The following EEF1AKMT3 variants were observed in gnomAD, a reference collection of about 807,000 sequenced individuals.
EEF1AKMT3 encodes the protein eEF1A-KMT3.
A neutral mutation model predicts 17.8 loss-of-function variants in EEF1AKMT3; 17 were observed. The observed-to-expected ratio is 0.96, with a 90% confidence interval of 0.65 to 1.43. The LOEUF (loss-of-function observed/expected upper bound fraction) is 1.43, where lower values mean the gene tolerates loss of function less well. EEF1AKMT3 is among the 40% of genes most tolerant of loss of function. EEF1AKMT3 has a pLI of 0.00. For synonymous variants in EEF1AKMT3, 116 were observed against 126.5 expected (o/e 0.92, Z 0.56); for missense variants, 244 against 285.8 (o/e 0.85, Z 1.06).
rs963689903 is a variant in EEF1AKMT3, at chr12:57,780,568, A to C, written c.603A>C (p.Gln201His). The change falls in exon 3 of 3, where the codon CAA becomes CAC. Residue 201 changes from glutamine (Q) to histidine (H), a missense_variant. Coordinates refer to ENST00000300209, the MANE Select transcript of EEF1AKMT3 (RefSeq NM_015433.3). ...AGCACCTCCTGCCCCAGCATTTCCA[A>C]CTGGAGCTGGCTCAGCGGGATGAGG... ...FFQHLLPQHFQLELAQRDEDE... is the reference protein window; with the variant it reads ...FFQHLLPQHFHLELAQRDEDE... 1 of 1,613,876 alleles carries C rather than the reference A, an allele frequency of 6.2e-7. No individual in the cohort carries two copies. Among genetic ancestry groups the C allele is most frequent in the East Asian group, 2.2e-5 (1 of 44,880 alleles).
chr12:57,780,532 G>C lies in EEF1AKMT3; in HGVS notation c.567G>C (p.Glu189Asp). The C allele has an allele frequency of 6.2e-7, 1 of 1,614,072 alleles. No homozygotes were observed. The highest frequency in any genetic ancestry group is 8.5e-7 in the Non-Finnish European group (1 of 1,179,972). ...ASKMRKEHGT[E>D]SFFQHLLPQH... ...AGATGAGAAAGGAGCATGGGACAGA[G>C]AGCTTCTTTCAGCACCTCCTGCCCC... Residue 189 changes from glutamate to aspartate, a missense_variant, in exon 3 of 3, where the codon GAG (glutamate) becomes GAC (aspartate). Glu to Asp is a conservative substitution (Grantham distance 45, BLOSUM62 2). Coordinates refer to ENST00000300209, the MANE Select transcript of EEF1AKMT3 (RefSeq NM_015433.3).
At position 57,781,978 on chromosome 12, in the gene EEF1AKMT3, C is replaced by T. The variant is rs1955519245; in HGVS notation, c.*1332C>T. 1 of 152,194 alleles carries T rather than the reference C, an allele frequency of 6.6e-6. No individual in the cohort carries two copies. The highest frequency in any genetic ancestry group is 2.4e-5 in the African/African-American group (1 of 41,446). The allele number at this position is 152,194 out of a possible 1,614,324, so 9.4% of individuals were successfully genotyped here. On this transcript the variant is annotated 3_prime_UTR_variant, in exon 3 of 3. Coordinates refer to ENST00000300209, the MANE Select transcript of EEF1AKMT3 (RefSeq NM_015433.3). ...TGTCCATGTGATCCAAAATTACCTT[C>T]CTATTGCATTTCCTACTCCTTTGCT...
chr12:57,773,123 T>G lies in EEF1AKMT3; in HGVS notation c.284T>G (p.Leu95Arg). The change falls in exon 2 of 3, where the codon CTG becomes CGG. Residue 95 changes from leucine (L) to arginine (R), a missense_variant. Leu to Arg is a moderately radical substitution (Grantham distance 102, BLOSUM62 -2). Transcript: ENST00000300209. ...GTGIVGILAA[L>R]QGGDVTITDL... ...GGCATCGTGGGGATCTTGGCAGCGCTGCAGGGTGCGTGAGCTGGCTTTTTA... is the reference window on the plus strand; with the variant it reads ...GGCATCGTGGGGATCTTGGCAGCGCGGCAGGGTGCGTGAGCTGGCTTTTTA... The G allele has an allele frequency of 1.2e-6, 2 of 1,614,112 alleles. No homozygotes were observed. The highest frequency in any genetic ancestry group is 1.7e-6 in the Non-Finnish European group (2 of 1,180,012).
At chr12:57,774,106 G>A (rs892432973) in intron 2 of EEF1AKMT3, among the ~76,000 whole-genome samples, 5 of 152,144 alleles carry the variant, frequency 3.3e-5, no homozygotes, top group African/African-American at 4.8e-5. Context: ...GAAAGCACTC[G>A]TTTAAAAATT....
chr12:57,778,907 C>T (rs571338149), intron 2 of EEF1AKMT3, among the ~76,000 whole-genome samples: 10 of 152,124 alleles, frequency 6.6e-5, no homozygotes, highest in East Asian at 3.9e-4. Context: ...TTGCCCAGGT[C>T]GGAGTGCAAT....
chr12:57,775,722 A>G (rs1041370047), intron 2 of EEF1AKMT3, among the ~76,000 whole-genome samples: 1 of 152,134 alleles, frequency 6.6e-6, no homozygotes, highest in East Asian at 1.9e-4. Flanking sequence ...AGGGCCTTCA[A>G]GCTTCTTCTG....
rs1955492822 is a variant in EEF1AKMT3, at chr12:57,778,295, T to TTTTTTTTTTTTTTTTC, written c.290-1947_290-1946insTTCTTTTTTTTTTTTT. On this transcript the variant is annotated intron_variant, in intron 2 of 2. Coordinates refer to ENST00000300209, the MANE Select transcript of EEF1AKMT3 (RefSeq NM_015433.3). ...AAACACCCAGAAACCATCCTGAGCT[T>TTTTTTTTTTTTTTTTC]TTTTTTTTTTTTTGAGACAGGTTCT... Among the ~76,000 whole-genome samples the TTTTTTTTTTTTTTTTC allele has an allele frequency of 1.9e-5, 2 of 103,998 alleles. 1 individual carries two copies. Among genetic ancestry groups the TTTTTTTTTTTTTTTTC allele is most frequent in the Non-Finnish European group, 3.9e-5 (2 of 51,286 alleles). 68.2% of individuals were successfully genotyped at this position (103,998 alleles called of 152,430 possible).
At position 57,781,049 on chromosome 12, in the gene EEF1AKMT3, AT is replaced by A. The variant is rs916845621; in HGVS notation, c.*412del. On this transcript the variant is annotated 3_prime_UTR_variant, in exon 3 of 3. Coordinates refer to ENST00000300209, the MANE Select transcript of EEF1AKMT3 (RefSeq NM_015433.3). ...ATGGACTTTAAAAAAATTCTGTGGG[AT>A]TTTTTTTTCTTTTTTTCTTTTTTTT... 5.5e-5 allele frequency: 11 copies of A among 198,518 alleles called. No homozygotes were observed. Among genetic ancestry groups the A allele is most frequent in the Admixed American group, 1.2e-4 (2 of 16,944 alleles). 12.3% of individuals were successfully genotyped at this position (198,518 alleles called of 1,614,324 possible). A position where few individuals can be genotyped will look rare whatever the true frequency, so the allele number is the denominator to read the frequency against.
Position 57,780,694 on chromosome 12 carries a change from G to A in EEF1AKMT3, c.*48G>A. 1 of 1,587,934 alleles carries A rather than the reference G, an allele frequency of 6.3e-7. No homozygotes were observed. The highest frequency in any genetic ancestry group is 8.5e-7 in the Non-Finnish European group (1 of 1,175,694). ...AATCTCTTGCTCTAATGAAGGAACT[G>A]TGTATCTCAAAAACCATATTTCCAG... On this transcript the variant is annotated 3_prime_UTR_variant, in exon 3 of 3. Coordinates refer to ENST00000300209, the MANE Select transcript of EEF1AKMT3 (RefSeq NM_015433.3).
chr12:57,780,634 A>C lies in EEF1AKMT3; in HGVS notation c.669A>C (p.Pro223=). Residue 223 remains proline (P), a synonymous_variant, in exon 3 of 3, where the codon CCA becomes CCC. Transcript: ENST00000300209. ...TCTATAGGGCCAGGCACAGGGAACCAAGACCTGCTTGACATCACCCTTGCT... is the reference window on the plus strand; with the variant it reads ...TCTATAGGGCCAGGCACAGGGAACCCAGACCTGCTTGACATCACCCTTGCT... ...VNIYRARHRE[P]RPA is the part of the protein sequence containing the mutation. The C allele has an allele frequency of 6.2e-7, 1 of 1,607,780 alleles. No individual in the cohort carries two copies. The highest frequency in any genetic ancestry group is 1.1e-5 in the South Asian group (1 of 91,082).
At chr12:57,778,081 T>C (rs1955491039) in intron 2 of EEF1AKMT3, among the ~76,000 whole-genome samples, 1 of 151,478 alleles carries the variant, frequency 6.6e-6, no homozygotes, top group African/African-American at 2.4e-5. Flanking sequence ...CCCATTTCTA[T>C]CTCCAGACTT....
chr12:57,775,744 C>G (rs772437055), intron 2 of EEF1AKMT3, among the ~76,000 whole-genome samples: 1 of 152,204 alleles, frequency 6.6e-6, no homozygotes, highest in Non-Finnish European at 1.5e-5. Flanking sequence ...GGAAGTGTGA[C>G]ATACCCAACT....
intron 2 of EEF1AKMT3, among the ~76,000 whole-genome samples, chr12:57,777,681 C>G (rs1190715092): frequency 6.6e-6 from 1 of 152,206 alleles, no homozygotes; most frequent in Non-Finnish European, 1.5e-5. Flanking sequence ...CCCTCCTTTT[C>G]TTGTCTACCT....
intron 2 of EEF1AKMT3, among the ~76,000 whole-genome samples, chr12:57,777,989 A>G (rs1278300887): frequency 6.7e-6 from 1 of 149,568 alleles, no homozygotes; most frequent in Non-Finnish European, 1.5e-5. Context: ...ATTGCCCTCC[A>G]GCCTGGGCAA....
intron 2 of EEF1AKMT3, among the ~76,000 whole-genome samples, chr12:57,778,579 T>C (rs1005187492): frequency 5.9e-5 from 9 of 152,080 alleles, no homozygotes; most frequent in African/African-American, 1.9e-4. Flanking sequence ...TCCAAAGGGA[T>C]TACAGGCGTG....
In EEF1AKMT3 at chr12:57,772,666, C is replaced by T. The variant is rs375571211; in HGVS notation, c.-59C>T. 3.9e-5 allele frequency: 60 copies of T among 1,534,694 alleles called. No homozygotes were observed. The East Asian group carries it at 8.3e-4, about 21-fold the overall frequency. ...CTCGCGGCCCCCAGCCTCTACCCCG[C>T]TCCGGATCCGGGATCTGAGCGCCGG... On this transcript the variant is annotated 5_prime_UTR_variant, in exon 1 of 3. Transcript: ENST00000300209. The surrounding 1 kb of genome is among the most constrained non-coding windows in gnomAD (Gnocchi z 4.1).
At chr12:57,773,509 C>T (rs1482612201) in intron 2 of EEF1AKMT3, among the ~76,000 whole-genome samples, 2 of 152,058 alleles carry the variant, frequency 1.3e-5, no homozygotes, top group Non-Finnish European at 1.5e-5. Context: ...CTAACTGCAA[C>T]CGCTGCCTCC....
intron 2 of EEF1AKMT3, among the ~76,000 whole-genome samples, chr12:57,779,343 T>A (rs1173822423): frequency 6.6e-6 from 1 of 152,172 alleles, no homozygotes; most frequent in African/African-American, 2.4e-5. Context: ...GTTGTTATCA[T>A]CTGTTTCTTG....
rs1408894018 is a variant in EEF1AKMT3 at position 57,773,189 on chromosome 12, C to T, written c.289+61C>T. ...ACCCAGGGGCGCGGAGAAATGGTCACTTCGTGGATCTTTGGGGGAGAGGGG... is the reference window on the plus strand; with the variant it reads ...ACCCAGGGGCGCGGAGAAATGGTCATTTCGTGGATCTTTGGGGGAGAGGGG... On this transcript the variant is annotated intron_variant, in intron 2 of 2. Coordinates refer to ENST00000300209, the MANE Select transcript of EEF1AKMT3 (RefSeq NM_015433.3). 31 of 1,491,434 alleles carry T rather than the reference C, an allele frequency of 2.1e-5. No individual in the cohort carries two copies. In the East Asian group the frequency reaches 6.8e-4, roughly 33 times the overall value. The allele number at this position is 1,491,434 out of a possible 1,614,324, so 92.4% of individuals were successfully genotyped here.
Sources: gnomAD v4.1 joint callset for allele counts (sites outside exome capture counted in the v4.1 genomes callset) on GRCh38, gnomAD v4.1.1 for gene constraint, Gnocchi (gnomAD v3.1) non-coding constraint, MANE v1.5 for transcripts, NCBI Gene and HGNC (gene_info 2026-07-23, HGNC 2026-07-21) for gene names.